Variants in GRIK1 observed in about 807,000 individuals in gnomAD.
GRIK1 encodes glutamate receptor ionotropic, kainate 1.
In GRIK1, 69 loss-of-function variants were observed where a neutral mutation model predicts 105.7. That is an observed-to-expected ratio of 0.65 (90% CI 0.54 to 0.80). The LOEUF is 0.80. Among genes scored for constraint, GRIK1 ranks in the 30% least tolerant of loss-of-function variants. The probability of loss-of-function intolerance (pLI) is 0.00; values close to 1 mark genes in which losing one functional copy is unlikely to be tolerated. For synonymous variants in GRIK1, 438 were observed against 431.3 expected (o/e 1.02, Z -0.19); for missense variants, 1,109 against 1,167.3 (o/e 0.95, Z 0.73).
rs542443226 is a variant in GRIK1, at chr21:29,907,815, C to T, written c.118+31568G>A. On this transcript the variant is annotated intron_variant, in intron 1 of 17. Coordinates refer to ENST00000327783, the MANE Select transcript of GRIK1 (RefSeq NM_001330994.2). Reference sequence around the variant, plus strand: ...AAAAAAGAGCAATTTAGTGTATAATCGTGCTAACTTTTAAATTCTTACTTT... The same window carrying T: ...AAAAAAGAGCAATTTAGTGTATAATTGTGCTAACTTTTAAATTCTTACTTT... 3.3e-5 allele frequency among the ~76,000 whole-genome samples: 5 copies of T among 152,162 alleles called. No homozygotes were observed. The East Asian group carries it at 7.7e-4, about 24-fold the overall frequency.
At chr21:29,674,783 G>A (rs1030343521) in intron 3 of GRIK1, among the ~76,000 whole-genome samples, 5 of 152,054 alleles carry the variant, frequency 3.3e-5, no homozygotes, top group African/African-American at 7.2e-5. Context: ...ACCTCTTTTC[G>A]TTATAAATTA....
intron 1 of GRIK1, among the ~76,000 whole-genome samples, chr21:29,875,267 TGGTAGAAA>T: frequency 1.3e-5 from 2 of 152,184 alleles, no homozygotes; most frequent in East Asian, 3.9e-4. Flanking sequence ...CCAGGAAACC[TGGTAGAAA>T]TGATTACTCT....
chr21:29,544,980 G>A (rs1001489281), intron 16 of GRIK1, among the ~76,000 whole-genome samples: 1 of 152,240 alleles, frequency 6.6e-6, no homozygotes, highest in Non-Finnish European at 1.5e-5. Flanking sequence ...CCATAGCCCA[G>A]TCTCTGTCTC....
chr21:29,870,991 A>T (rs1333034095), intron 1 of GRIK1, among the ~76,000 whole-genome samples: 1 of 152,028 alleles, frequency 6.6e-6, no homozygotes, highest in African/African-American at 2.4e-5. Context: ...TGGCCGTGTC[A>T]CAGATCAAGG....
At chr21:29,853,669 T>A (rs927005139) in intron 1 of GRIK1, among the ~76,000 whole-genome samples, 2 of 152,324 alleles carry the variant, frequency 1.3e-5, no homozygotes, top group African/African-American at 4.8e-5. Context: ...TTTCCTCCAT[T>A]TATTAGCATA....
chr21:29,596,561 C>A lies in GRIK1; in HGVS notation c.1216G>T (p.Glu406Ter). The A allele has an allele frequency of 1.2e-6, 2 of 1,608,400 alleles. No homozygotes were observed. Among genetic ancestry groups the A allele is most frequent in the Non-Finnish European group, 1.7e-6 (2 of 1,174,832 alleles). ...ACTTTATACAAGTGTTTAGACACTT[C>A]GCCAGCAGCCTTGGTTTTCAGAGAG... The part of the protein sequence containing the change: ...KEEGTEKAAG[E>*]VSKHLYKVWK... The change falls in exon 9 of 18, where the codon GAA becomes TAA. Residue 406 changes from glutamate (E) to a stop codon, truncating the protein, a stop_gained. Coordinates refer to ENST00000327783, the MANE Select transcript of GRIK1 (RefSeq NM_001330994.2). LOFTEE classifies it high-confidence loss of function.
At chr21:29,583,084 T>A (rs992503703) in intron 12 of GRIK1, among the ~76,000 whole-genome samples, 2 of 152,120 alleles carry the variant, frequency 1.3e-5, no homozygotes, top group Admixed American at 1.3e-4. Context: ...GGGACTGGGA[T>A]AACAGTCTCG....
At chr21:29,592,040 G>C (rs899464741) in intron 9 of GRIK1, among the ~76,000 whole-genome samples, 2 of 152,138 alleles carry the variant, frequency 1.3e-5, no homozygotes, top group Non-Finnish European at 2.9e-5. Context: ...GACAGAGCGA[G>C]ACACTGAAAA....
At chr21:29,665,379 A>G (rs1435923957) in intron 4 of GRIK1, among the ~76,000 whole-genome samples, 2 of 152,238 alleles carry the variant, frequency 1.3e-5, no homozygotes, top group Non-Finnish European at 2.9e-5. Flanking sequence ...GCCTGAGAGA[A>G]ACATAATTAC....
chr21:29,710,407 T>A (rs1302192562), intron 1 of GRIK1, among the ~76,000 whole-genome samples: 1 of 140,168 alleles, frequency 7.1e-6, no homozygotes, highest in East Asian at 2.0e-4. Flanking sequence ...GATAGTTTTC[T>A]ATCCTGTCCT....
chr21:29,654,908 A>G (rs2062820211), intron 4 of GRIK1, 45 bp from the exon 5 acceptor site: 2 of 1,111,304 alleles, frequency 1.8e-6, no homozygotes, highest in Non-Finnish European at 2.8e-6. Context: ...CAGAATTATA[A>G]TAAGAATGGG....
At chr21:29,733,974 CT>C (rs1040693708) in intron 1 of GRIK1, among the ~76,000 whole-genome samples, 45 of 152,000 alleles carry the variant, frequency 3.0e-4, no homozygotes, top group African/African-American at 1.1e-3. Flanking sequence ...TTAATATTTA[CT>C]TTTATTTTAA....
rs1321278033 is a variant in GRIK1, at chr21:29,618,311, AC to A, written c.1099-19375del. On this transcript the variant is annotated intron_variant, in intron 7 of 17. Coordinates refer to ENST00000327783, the MANE Select transcript of GRIK1 (RefSeq NM_001330994.2). ...ATGCAAATCCAAACCACAATGCGAT[AC>A]CACCTTACTCCCGCAAGAATGGCCA... 3.3e-5 allele frequency among the ~76,000 whole-genome samples: 5 copies of A among 152,290 alleles called. No individual in the cohort carries two copies. The East Asian group carries it at 9.6e-4, about 29-fold the overall frequency.
At chr21:29,926,000 G>T (rs2071357596) in intron 1 of GRIK1, among the ~76,000 whole-genome samples, 1 of 151,820 alleles carries the variant, frequency 6.6e-6, no homozygotes. Context: ...GTTTGTAAAT[G>T]CTAACTTTAT....
intron 16 of GRIK1, among the ~76,000 whole-genome samples, chr21:29,545,660 G>A (rs191313867): frequency 5.6e-4 from 86 of 152,222 alleles, no homozygotes; most frequent in Admixed American, 1.5e-3. Context: ...AGCTTTCAGG[G>A]CCCTACCTTT....
chr21:29,623,113 T>A (rs1362167000), intron 7 of GRIK1, among the ~76,000 whole-genome samples: 1 of 152,208 alleles, frequency 6.6e-6, no homozygotes, highest in African/African-American at 2.4e-5. Flanking sequence ...AGAGGTTTAA[T>A]GGTCTCGCAG....
chr21:29,885,698 T>C (rs146051120), intron 1 of GRIK1, among the ~76,000 whole-genome samples: 6 of 152,210 alleles, frequency 3.9e-5, no homozygotes, highest in Non-Finnish European at 5.9e-5. Flanking sequence ...GTCAGCAACA[T>C]TTTTCTAACA....
intron 1 of GRIK1, among the ~76,000 whole-genome samples, chr21:29,798,022 T>C (rs1014749451): frequency 1.3e-5 from 2 of 152,372 alleles, no homozygotes; most frequent in East Asian, 3.9e-4. Flanking sequence ...TGTACTCATA[T>C]GTAAGTCCCC....
intron 1 of GRIK1, among the ~76,000 whole-genome samples, chr21:29,900,054 C>A: frequency 6.7e-6 from 1 of 148,726 alleles, no homozygotes; most frequent in African/African-American, 2.5e-5. Flanking sequence ...ATTTTGTCAC[C>A]ACCAGGCCTG....
Sources: gnomAD v4.1 joint callset for allele counts (sites outside exome capture counted in the v4.1 genomes callset) on GRCh38, gnomAD v4.1.1 for gene constraint, MANE v1.5 for transcripts, NCBI Gene and HGNC (gene_info 2026-07-23, HGNC 2026-07-21) for gene names.